The following TTLL4 variants were observed in gnomAD, a reference collection of about 807,000 sequenced individuals.
The protein encoded by TTLL4 is tubulin tyrosine ligase like 4.
Under a neutral mutation model 122.7 loss-of-function variants are expected in TTLL4, and 85 were observed. That is an observed-to-expected ratio of 0.69 (90% CI 0.58 to 0.83). TTLL4 has a LOEUF of 0.83. Among genes scored for constraint, TTLL4 ranks in the 40% least tolerant of loss-of-function variants. The pLI is 0.00. For synonymous variants in TTLL4, 553 were observed against 563.0 expected (o/e 0.98, Z 0.25); for missense variants, 1,363 against 1,488.6 (o/e 0.92, Z 1.39).
intron 5 of TTLL4, among the ~76,000 whole-genome samples, chr2:218,741,129 C>T (rs1378448064): frequency 6.6e-6 from 1 of 152,136 alleles, no homozygotes; most frequent in African/African-American, 2.4e-5. Context: ...GTGGCTTATG[C>T]CTGTAATCCT....
At chr2:218,745,994 C>A in intron 7 of TTLL4, 161 bp from the exon 8 acceptor site, 1 of 896,658 alleles carries the variant, frequency 1.1e-6, no homozygotes, top group Non-Finnish European at 1.8e-6. Context: ...GACAGAGGGC[C>A]ATTGTTCTGT....
rs370903044 is a variant in TTLL4 at position 218,749,287 on chromosome 2, T to C, written c.2635T>C (p.Tyr879His). Residue 879 changes from tyrosine to histidine, a missense_variant, in exon 14 of 20, where the codon TAT (tyrosine) becomes CAT (histidine). Transcript: ENST00000392102. ...CTATGTGACCAGCCTGCTCAAGATG[T>C]ATGTGCGACGGCCCTATAGCTGCCA... Reference protein sequence around the residue: ...EPYVTSLLKMYVRRPYSCHEL... With the variant: ...EPYVTSLLKMHVRRPYSCHEL... 19 of 1,614,032 alleles carry C rather than the reference T, an allele frequency of 1.2e-5. No homozygotes were observed. The Admixed American group carries it at 1.7e-4, about 14-fold the overall frequency.
chr2:218,714,311 A>T (rs1941796344), intron 1 of TTLL4, among the ~76,000 whole-genome samples: 1 of 152,172 alleles, frequency 6.6e-6, no homozygotes, highest in African/African-American at 2.4e-5. Context: ...ATTTGCTGAA[A>T]ATCTGTATCT....
chr2:218,723,487 TCCCTTGAACTC>T (rs1254721596), intron 1 of TTLL4, among the ~76,000 whole-genome samples: 1 of 152,164 alleles, frequency 6.6e-6, no homozygotes, highest in African/African-American at 2.4e-5. Context: ...TAATATGCCT[TCCCTTGAACTC>T]CCCTTGAGCC....
intron 1 of TTLL4, among the ~76,000 whole-genome samples, chr2:218,719,022 C>T (rs1368879379): frequency 6.6e-6 from 1 of 152,182 alleles, no homozygotes. Flanking sequence ...TTCACTCTTA[C>T]CCCTTTATTC....
At chr2:218,737,557 C>A in intron 2 of TTLL4, 22 bp from the exon 3 acceptor site, 1 of 1,196,210 alleles carries the variant, frequency 8.4e-7, no homozygotes, top group Non-Finnish European at 1.2e-6. Flanking sequence ...GTAACATTTC[C>A]TATCATTTCT....
intron 2 of TTLL4, among the ~76,000 whole-genome samples, chr2:218,735,994 A>C (rs1240074960): frequency 1.3e-5 from 1 of 77,466 alleles, no homozygotes; most frequent in Non-Finnish European, 2.2e-5. Context: ...TTTTTTTGTG[A>C]GACAGGGTCT....
rs575186082 is a variant in TTLL4 at position 218,738,038 on chromosome 2, C to T, written c.362C>T (p.Ser121Phe). ...AACAGCACCCTGCTATACCGCCGCT[C>T]CAGCTATAGGCAAAAACCGTACCAG... ...LFNSTLLYRRSSYRQKPYQQL... is the reference protein window; with the variant it reads ...LFNSTLLYRRFSYRQKPYQQL... Residue 121 changes from serine to phenylalanine, a missense_variant, in exon 3 of 20, where the codon TCC becomes TTC. By Grantham distance (155) the Ser-to-Phe change is radical. Coordinates refer to ENST00000392102, the MANE Select transcript of TTLL4 (RefSeq NM_014640.5). 6 of 1,614,184 alleles carry T rather than the reference C, an allele frequency of 3.7e-6. No individual in the cohort carries two copies. In the South Asian group the frequency reaches 5.5e-5, roughly 15 times the overall value.
At chr2:218,727,785 C>G (rs1227361953) in intron 2 of TTLL4, among the ~76,000 whole-genome samples, 2 of 152,140 alleles carry the variant, frequency 1.3e-5, no homozygotes, top group Non-Finnish European at 2.9e-5. Flanking sequence ...TTCTGAGTTC[C>G]TGGTTAGAGA....
intron 2 of TTLL4, among the ~76,000 whole-genome samples, chr2:218,729,424 G>A (rs2106412798): frequency 6.6e-6 from 1 of 152,134 alleles, no homozygotes; most frequent in Admixed American, 6.5e-5. Context: ...TCATACTTGA[G>A]TTCTGGGATT....
At chr2:218,721,117 T>A (rs777725099) in intron 1 of TTLL4, among the ~76,000 whole-genome samples, 6 of 152,226 alleles carry the variant, frequency 3.9e-5, no homozygotes, top group Non-Finnish European at 7.3e-5. Context: ...TGGCTGTTCA[T>A]CTGTATCCTT....
downstream of TTLL4, among the ~76,000 whole-genome samples, chr2:218,757,164 CT>C (rs1943168247): frequency 6.6e-6 from 1 of 152,212 alleles, no homozygotes. Flanking sequence ...TCTCCACTTG[CT>C]GTCCAAGCCC....
chr2:218,746,862 G>A, intron 8 of TTLL4, 141 bp from the exon 9 acceptor site: 2 of 830,708 alleles, frequency 2.4e-6, no homozygotes, highest in Non-Finnish European at 3.7e-6. Context: ...GATACTTGAG[G>A]ACCATTAGGG....
intron 2 of TTLL4, among the ~76,000 whole-genome samples, chr2:218,727,720 C>T (rs1020292208): frequency 2.6e-5 from 4 of 151,796 alleles, no homozygotes; most frequent in Admixed American, 6.6e-5. Flanking sequence ...CCAGCCTGGG[C>T]GACAGACAAA....
intron 7 of TTLL4, 124 bp downstream of exon 7, chr2:218,745,925 A>G (rs944870973): frequency 2.3e-5 from 21 of 929,462 alleles, no homozygotes; most frequent in South Asian, 2.9e-5. Flanking sequence ...CTGAAATCCA[A>G]CCTCATAGGA....
In TTLL4 at chr2:218,753,147, G is replaced by T; in HGVS notation, c.3220G>T (p.Gly1074Trp). The change falls in exon 18 of 20, where the codon GGG becomes TGG. Residue 1074 changes from glycine (G) to tryptophan (W), a missense_variant. By Grantham distance (184) the Gly-to-Trp change is radical. This residue lies in a region of TTLL4 where 596 missense variants were observed against 655.8 expected (regional missense o/e 0.91). Coordinates refer to ENST00000392102, the MANE Select transcript of TTLL4 (RefSeq NM_014640.5). ...VDLLRSWCYKGFHMGVVSDSA... is the reference protein window; with the variant it reads ...VDLLRSWCYKWFHMGVVSDSA... ...TCTGCTCCGGAGTTGGTGCTACAAA[G>T]GGTTCCACATGGGAGTTGTCTCTGA... 1 of 1,613,950 alleles carries T rather than the reference G, an allele frequency of 6.2e-7. No individual in the cohort carries two copies. The highest frequency in any genetic ancestry group is 8.5e-7 in the Non-Finnish European group (1 of 1,179,970).
Position 218,738,512 on chromosome 2 carries a change from C to T in TTLL4, c.836C>T (p.Ala279Val), listed in dbSNP as rs1439731505. 3 of 1,614,064 alleles carry T rather than the reference C, an allele frequency of 1.9e-6. No individual in the cohort carries two copies. Among genetic ancestry groups the T allele is most frequent in the Non-Finnish European group, 1.7e-6 (2 of 1,180,054 alleles). Reference protein sequence around the residue: ...KVPKSIGTVPADASAHIALST... With the variant: ...KVPKSIGTVPVDASAHIALST... ...CCCAAAAGCATTGGCACTGTCCCAG[C>T]TGATGCCAGTGCCCATATCGCCTTG... is the stretch of plus-strand genomic sequence containing the variant. The change falls in exon 3 of 20, where the codon GCT (alanine) becomes GTT (valine). Residue 279 changes from alanine (A) to valine (V), a missense_variant. Coordinates refer to ENST00000392102, the MANE Select transcript of TTLL4 (RefSeq NM_014640.5).
chr2:218,713,273 T>C, intron 1 of TTLL4, among the ~76,000 whole-genome samples: 1 of 152,156 alleles, frequency 6.6e-6, no homozygotes, highest in East Asian at 1.9e-4. Context: ...TAGTCCCAGC[T>C]ATTTGTAGGC....
intron 5 of TTLL4, among the ~76,000 whole-genome samples, chr2:218,743,829 G>A (rs1026072913): frequency 9.9e-5 from 15 of 152,140 alleles, no homozygotes; most frequent in African/African-American, 2.9e-4. Flanking sequence ...ACAGGCATGC[G>A]CCACCATGCC....
Sources: allele counts gnomAD v4.1 joint callset (sites outside exome capture counted in the v4.1 genomes callset), GRCh38; gene constraint gnomAD v4.1.1; regional missense constraint gnomAD v4.1.1; transcripts MANE v1.5; gene names NCBI Gene and HGNC (gene_info 2026-07-23, HGNC 2026-07-21).